RNF152: variants seen among roughly 807,000 people sequenced by gnomAD.
The protein encoded by RNF152 is E3 ubiquitin-protein ligase RNF152.
A neutral mutation model predicts 12.7 loss-of-function variants in RNF152; 11 were observed. That is an observed-to-expected ratio of 0.86 (90% CI 0.54 to 1.43). The LOEUF is 1.43. Ranked by LOEUF, RNF152 falls within the 40% of genes most tolerant of loss-of-function variation. RNF152 has a pLI of 0.00. For synonymous variants in RNF152, 113 were observed against 120.3 expected (o/e 0.94, Z 0.40); for missense variants, 255 against 274.8 (o/e 0.93, Z 0.51).
chr18:61,884,515 T>G (rs755929813), intron 1 of RNF152, among the ~76,000 whole-genome samples: 36 of 152,132 alleles, frequency 2.4e-4, no homozygotes, highest in Non-Finnish European at 5.0e-4. Flanking sequence ...AAGGCAGGGA[T>G]TTTTTTAGAA....
intron 1 of RNF152, among the ~76,000 whole-genome samples, chr18:61,845,472 G>A (rs1235887524): frequency 6.6e-6 from 1 of 152,242 alleles, no homozygotes; most frequent in Non-Finnish European, 1.5e-5. Flanking sequence ...GGGAGCTTTT[G>A]TGCTGGGAGA....
At chr18:61,840,879 C>T (rs9955483) in intron 1 of RNF152, among the ~76,000 whole-genome samples, 7,101 of 152,216 alleles carry the variant, frequency 0.047, 550 homozygotes, top group African/African-American at 0.16. Context: ...AGAGCCTTTT[C>T]CCCTTCCCTA....
intron 1 of RNF152, among the ~76,000 whole-genome samples, chr18:61,817,942 C>A (rs189440240): frequency 2.6e-5 from 4 of 152,144 alleles, no homozygotes; most frequent in African/African-American, 9.7e-5. Flanking sequence ...AATTACTCAA[C>A]CACTATTGCA....
At chr18:61,876,150 C>G (rs987623850) in intron 1 of RNF152, among the ~76,000 whole-genome samples, 1 of 152,180 alleles carries the variant, frequency 6.6e-6, no homozygotes, top group Non-Finnish European at 1.5e-5. Context: ...TTCCTCACTG[C>G]CATGTGTCCA....
intron 1 of RNF152, among the ~76,000 whole-genome samples, chr18:61,889,950 T>C (rs1320409631): frequency 1.3e-5 from 2 of 152,210 alleles, no homozygotes; most frequent in Non-Finnish European, 2.9e-5. Flanking sequence ...AAATACCTAA[T>C]GGCCTTTCAC....
intron 1 of RNF152, among the ~76,000 whole-genome samples, chr18:61,832,358 G>A (rs1909989515): frequency 6.6e-6 from 1 of 152,050 alleles, no homozygotes; most frequent in South Asian, 2.1e-4. Context: ...TACTTTAAAA[G>A]TAAAAATGTC....
intron 1 of RNF152, among the ~76,000 whole-genome samples, chr18:61,868,938 T>C (rs1295815245): frequency 6.6e-6 from 1 of 152,140 alleles, no homozygotes; most frequent in Non-Finnish European, 1.5e-5. Context: ...AGATGGACAA[T>C]AAATTGCCTA....
At chr18:61,857,750 G>GT (rs1207142479) in intron 1 of RNF152, among the ~76,000 whole-genome samples, 1 of 152,088 alleles carries the variant, frequency 6.6e-6, no homozygotes, top group Non-Finnish European at 1.5e-5. Flanking sequence ...GGTCATTCTA[G>GT]TTTTGGATAA....
At chr18:61,859,817 T>C (rs1396403550) in intron 1 of RNF152, among the ~76,000 whole-genome samples, 1 of 151,720 alleles carries the variant, frequency 6.6e-6, no homozygotes, top group Non-Finnish European at 1.5e-5. Flanking sequence ...AGGTGGAGGT[T>C]GCAGTGAGCC....
chr18:61,880,827 C>T (rs562149501), intron 1 of RNF152, among the ~76,000 whole-genome samples: 2 of 152,172 alleles, frequency 1.3e-5, no homozygotes, highest in South Asian at 2.1e-4. Context: ...TTTGAAAATA[C>T]CATACACCTA....
intron 1 of RNF152, among the ~76,000 whole-genome samples, chr18:61,853,298 T>A (rs1204099189): frequency 2.7e-5 from 4 of 145,576 alleles, no homozygotes; most frequent in African/African-American, 1.0e-4. Context: ...TCCTTGCCCT[T>A]TTTTTTTTTT....
At chr18:61,868,539 C>A (rs1206582782) in intron 1 of RNF152, among the ~76,000 whole-genome samples, 2 of 152,016 alleles carry the variant, frequency 1.3e-5, no homozygotes, top group Non-Finnish European at 2.9e-5. Flanking sequence ...CCCGTCTCTA[C>A]TAAAACTACA....
In RNF152 at chr18:61,808,744, GTACTGACA is replaced by G. The variant is rs1253397533; in HGVS notation, c.*7100_*7107del. On this transcript the variant is annotated 3_prime_UTR_variant, in exon 2 of 2. Coordinates refer to ENST00000312828, the MANE Select transcript of RNF152 (RefSeq NM_173557.3). Reference sequence around the variant, plus strand: ...TATTCTTGAACTCATTTTCCCAACAGTACTGACATACTCAAGTCAGGATAGATCCACAG... The same window carrying G: ...TATTCTTGAACTCATTTTCCCAACAGTACTCAAGTCAGGATAGATCCACAG... 1 of 152,194 alleles carries G rather than the reference GTACTGACA, an allele frequency of 6.6e-6. No individual in the cohort carries two copies. Among genetic ancestry groups the G allele is most frequent in the African/African-American group, 2.4e-5 (1 of 41,436 alleles). 9.4% of individuals were successfully genotyped at this position (152,194 alleles called of 1,614,324 possible).
rs145088922 is a variant in RNF152 at position 61,874,766 on chromosome 18, G to T, written c.-136+18029C>A. The stretch of plus-strand genomic sequence containing the variant: ...TGGGTTTAGGGCTAAGCATAGTGGG[G>T]TATCTAATCCCAGTCTGGTTCTTAG... On this transcript the variant is annotated intron_variant, in intron 1 of 1. Transcript: ENST00000312828. Among the ~76,000 whole-genome samples, 3 of 152,306 alleles carry T rather than the reference G, an allele frequency of 2.0e-5. No homozygotes were observed. The East Asian group carries it at 5.8e-4, about 29-fold the overall frequency.
At chr18:61,876,143 C>T (rs1426057172) in intron 1 of RNF152, among the ~76,000 whole-genome samples, 1 of 152,200 alleles carries the variant, frequency 6.6e-6, no homozygotes, top group Non-Finnish European at 1.5e-5. Flanking sequence ...AATGCCATTC[C>T]TCACTGCCAT....
Position 61,815,800 on chromosome 18 carries a change from A to G in RNF152, c.*52T>C, listed in dbSNP as rs1909035425. ...TCTTCTCACTGGGATCTCATCATCAACCTGCTCAACCCCTAAGTTGGCACC... is the reference window on the plus strand; with the variant it reads ...TCTTCTCACTGGGATCTCATCATCAGCCTGCTCAACCCCTAAGTTGGCACC... On this transcript the variant is annotated 3_prime_UTR_variant, in exon 2 of 2. Transcript: ENST00000312828. The G allele has an allele frequency of 1.9e-6, 3 of 1,580,746 alleles. No homozygotes were observed. The highest frequency in any genetic ancestry group is 2.6e-6 in the Non-Finnish European group (3 of 1,159,862).
At chr18:61,868,738 T>C (rs1276775956) in intron 1 of RNF152, among the ~76,000 whole-genome samples, 4 of 152,150 alleles carry the variant, frequency 2.6e-5, no homozygotes, top group Non-Finnish European at 4.4e-5. Flanking sequence ...GTACAGGTTT[T>C]AGAAGGAACT....
At chr18:61,878,538 G>C (rs1300398033) in intron 1 of RNF152, among the ~76,000 whole-genome samples, 1 of 152,224 alleles carries the variant, frequency 6.6e-6, no homozygotes, top group Non-Finnish European at 1.5e-5. Flanking sequence ...CTCCTGAACA[G>C]ACAAGATTTC....
intron 1 of RNF152, among the ~76,000 whole-genome samples, chr18:61,882,522 C>A (rs2144760190): frequency 6.6e-6 from 1 of 152,320 alleles, no homozygotes; most frequent in Middle Eastern, 3.4e-3. Flanking sequence ...GAACTGGCAA[C>A]CAACAAACTA....
Sources: allele counts gnomAD v4.1 joint callset (sites outside exome capture counted in the v4.1 genomes callset), GRCh38; gene constraint gnomAD v4.1.1; transcripts MANE v1.5; gene names NCBI Gene and HGNC (gene_info 2026-07-23, HGNC 2026-07-21).